VWA3B: variants seen among roughly 807,000 people sequenced by gnomAD.
The protein encoded by VWA3B is von Willebrand factor A domain containing 3B, also known as von Willebrand factor A domain-containing protein 3B.
VWA3B carries 138 observed loss-of-function variants against 158.3 expected under a neutral mutation model. The observed-to-expected ratio is 0.87, with a 90% CI of 0.76 to 1.00. The LOEUF (loss-of-function observed/expected upper bound fraction) is 1.00, where lower values mean the gene tolerates loss of function less well. VWA3B is among the 50% of genes least tolerant of loss of function. The probability of loss-of-function intolerance (pLI) is 0.00; values close to 1 mark genes in which losing one functional copy is unlikely to be tolerated. For missense variants in VWA3B, 1,555 were observed against 1,565.1 expected (o/e 0.99, Z 0.11); for synonymous variants, 596 against 587.3 (o/e 1.01, Z -0.21).
intron 12 of VWA3B, among the ~76,000 whole-genome samples, chr2:98,210,602 A>G (rs1683430034): frequency 6.6e-6 from 1 of 152,298 alleles, no homozygotes; most frequent in East Asian, 1.9e-4. Flanking sequence ...GTTCCCCATC[A>G]TGGCTGAGTC....
chr2:98,091,377 G>T (rs982359551), intron 1 of VWA3B, among the ~76,000 whole-genome samples: 8 of 152,188 alleles, frequency 5.3e-5, no homozygotes, highest in African/African-American at 1.9e-4. Flanking sequence ...GAAGCTGTGA[G>T]CTAGTGCGTA....
intron 2 of VWA3B, among the ~76,000 whole-genome samples, chr2:98,111,708 G>A (rs1674142232): frequency 6.6e-6 from 1 of 152,036 alleles, no homozygotes; most frequent in Non-Finnish European, 1.5e-5. Context: ...TTTGAGAAGT[G>A]TCTATTCATG....
chr2:98,279,045 G>T (rs1688711262), intron 22 of VWA3B, among the ~76,000 whole-genome samples: 1 of 152,180 alleles, frequency 6.6e-6, no homozygotes, highest in South Asian at 2.1e-4. Context: ...GGCCTCCAGG[G>T]CATGTGGCCA....
intron 13 of VWA3B, among the ~76,000 whole-genome samples, chr2:98,217,535 T>G (rs1016281944): frequency 6.6e-6 from 1 of 152,238 alleles, no homozygotes; most frequent in Non-Finnish European, 1.5e-5. Context: ...TTTAAATGCA[T>G]GGACTGTAAG....
chr2:98,087,911 G>A (rs1681977309), intron 1 of VWA3B, among the ~76,000 whole-genome samples: 1 of 152,132 alleles, frequency 6.6e-6, no homozygotes, highest in African/African-American at 2.4e-5. Flanking sequence ...TGGAAGCTCT[G>A]TTTCTTCTCA....
chr2:98,149,785 C>T (rs373915156), intron 7 of VWA3B, among the ~76,000 whole-genome samples: 3 of 152,128 alleles, frequency 2.0e-5, no homozygotes, highest in Non-Finnish European at 4.4e-5. Context: ...CCTATTCCCC[C>T]GCCTCATTAT....
chr2:98,092,816 GTATATATATATATATATATA>G (rs70940110), intron 1 of VWA3B, among the ~76,000 whole-genome samples: 256 of 51,504 alleles, frequency 5.0e-3, no homozygotes, highest in Middle Eastern at 0.028. Context: ...AGATGTTTTT[GTATATATATATATATATATA>G]TATATATATA....
intron 19 of VWA3B, among the ~76,000 whole-genome samples, chr2:98,237,932 T>C (rs774310834): frequency 3.3e-5 from 5 of 152,130 alleles, no homozygotes; most frequent in Non-Finnish European, 5.9e-5. Context: ...ATTGTAGCAT[T>C]TGGATAAGAC....
At chr2:98,145,357 C>T (rs1313718511) in intron 7 of VWA3B, among the ~76,000 whole-genome samples, 3 of 152,166 alleles carry the variant, frequency 2.0e-5, no homozygotes, top group Non-Finnish European at 2.9e-5. Flanking sequence ...ATAACATACC[C>T]CCATGGAGTA....
chr2:98,207,188 G>A, intron 12 of VWA3B: 1 of 550,354 alleles, frequency 1.8e-6, no homozygotes, highest in Non-Finnish European at 3.7e-6. Context: ...GGAAAGAATT[G>A]CCACTACCAA....
chr2:98,315,577 A>T (rs1691069490), downstream of VWA3B, among the ~76,000 whole-genome samples: 1 of 152,224 alleles, frequency 6.6e-6, no homozygotes, highest in African/African-American at 2.4e-5. Context: ...CCATACTTCA[A>T]GTGAGAGTCA....
intron 16 of VWA3B, among the ~76,000 whole-genome samples, chr2:98,231,941 A>C (rs1401211395): frequency 6.6e-6 from 1 of 152,068 alleles, no homozygotes; most frequent in African/African-American, 2.4e-5. Context: ...AAAGCTATTG[A>C]TCTATAGTTC....
At chr2:98,302,911 A>G (rs555999989) in intron 25 of VWA3B, among the ~76,000 whole-genome samples, 2 of 152,338 alleles carry the variant, frequency 1.3e-5, no homozygotes, top group Admixed American at 6.5e-5. Context: ...GGAGCACTGT[A>G]TCCAACCCAA....
At chr2:98,132,393 G>C (rs1451009976) in intron 6 of VWA3B, among the ~76,000 whole-genome samples, 1 of 152,210 alleles carries the variant, frequency 6.6e-6, no homozygotes, top group African/African-American at 2.4e-5. Flanking sequence ...GGCATGTCCT[G>C]AGTGTCTCAG....
intron 8 of VWA3B, among the ~76,000 whole-genome samples, chr2:98,180,076 C>A (rs1680425087): frequency 6.9e-6 from 1 of 143,974 alleles, no homozygotes; most frequent in South Asian, 2.2e-4. Flanking sequence ...TTCTCTCTTT[C>A]TTTCTTTCTC....
intron 20 of VWA3B, among the ~76,000 whole-genome samples, chr2:98,253,881 C>T (rs905041960): frequency 2.6e-5 from 4 of 152,114 alleles, no homozygotes; most frequent in Admixed American, 6.5e-5. Flanking sequence ...GGTCCAGTGC[C>T]GGGCCTGAAT....
chr2:98,294,184 T>TCA (rs201470274), intron 23 of VWA3B, among the ~76,000 whole-genome samples: 2,963 of 68,030 alleles, frequency 0.044, 221 homozygotes, highest in Middle Eastern at 0.052. Context: ...CTATTTTCCC[T>TCA]CACACACACA....
chr2:98,102,379 C>G (rs1052948940), intron 2 of VWA3B, among the ~76,000 whole-genome samples: 1 of 152,142 alleles, frequency 6.6e-6, no homozygotes, highest in Non-Finnish European at 1.5e-5. Flanking sequence ...TCTCAATGGT[C>G]GCTGTCTTTT....
downstream of VWA3B, among the ~76,000 whole-genome samples, chr2:98,315,128 T>A (rs1425845896): frequency 9.8e-5 from 15 of 152,372 alleles, no homozygotes; most frequent in East Asian, 2.3e-3. Context: ...TTAAAGATAA[T>A]TGGCTTTATA....
Sources: allele counts gnomAD v4.1 joint callset (sites outside exome capture counted in the v4.1 genomes callset), GRCh38; gene constraint gnomAD v4.1.1; transcripts MANE v1.5; gene names NCBI Gene and HGNC (gene_info 2026-07-23, HGNC 2026-07-21).